The following ATP13A5 variants were observed in gnomAD, a reference collection of about 807,000 sequenced individuals.
The protein encoded by ATP13A5 is probable cation-transporting ATPase 13A5.
A neutral mutation model predicts 150.2 loss-of-function variants in ATP13A5; 149 were observed. That is an observed-to-expected ratio of 0.99 (90% CI 0.87 to 1.14). ATP13A5 has a LOEUF of 1.14. Among genes scored for constraint, ATP13A5 ranks in the 50% most tolerant of loss-of-function variants. The probability of loss-of-function intolerance (pLI) is 0.00; values close to 1 mark genes in which losing one functional copy is unlikely to be tolerated. For synonymous variants in ATP13A5, 497 were observed against 522.2 expected, an observed-to-expected ratio of 0.95 and a Z score of 0.66; for missense variants, 1,383 against 1,449.3, an observed-to-expected ratio of 0.95 and a Z score of 0.74.
intron 3 of ATP13A5, 146 bp from the exon 4 acceptor site, chr3:193,362,783 T>TTCTCTCTTTCTCTCTTTCTTTCTC: frequency 1.9e-6 from 1 of 529,522 alleles, no homozygotes. Context: ...CTTTCTTTCT[T>TTCTCTCTTTCTCTCTTTCTTTCTC]TCTTTCTTTC....
intron 29 of ATP13A5, 49 bp downstream of exon 29, chr3:193,276,701 G>T: frequency 7.5e-7 from 1 of 1,340,854 alleles, no homozygotes; most frequent in Non-Finnish European, 1.1e-6. Context: ...CTGAAAATGA[G>T]ATCCTTAATT....
chr3:193,318,882 C>T (rs1381968780), intron 17 of ATP13A5, 109 bp downstream of exon 17: 3 of 765,800 alleles, frequency 3.9e-6, no homozygotes, highest in Non-Finnish European at 6.8e-6. Flanking sequence ...GATTAATTCT[C>T]TGTCTCTGAG....
intron 19 of ATP13A5, chr3:193,312,968 T>C (rs1228848499): frequency 6.6e-6 from 1 of 152,140 alleles, no homozygotes. Flanking sequence ...CCTGAAACTG[T>C]GATACAGCTT....
intron 16 of ATP13A5, among the ~76,000 whole-genome samples, chr3:193,319,530 A>G (rs374184222): frequency 1.1e-4 from 16 of 152,224 alleles, no homozygotes; most frequent in African/African-American, 3.6e-4. Context: ...AACCAGAAAG[A>G]AAGCCCTCTC....
Position 193,307,140 on chromosome 3 carries a change from G to A in ATP13A5, c.2568+187C>T, listed in dbSNP as rs907982735. On this transcript the variant is annotated intron_variant, in intron 22 of 29. Coordinates refer to ENST00000342358, the MANE Select transcript of ATP13A5 (RefSeq NM_198505.4). ...ATTCTAGGAGTTTCCAGAAAGCATC[G>A]GAAGTGTCTCATCTCCCTTTACTCC... 59 of 1,423,924 alleles carry A rather than the reference G, an allele frequency of 4.1e-5. No individual in the cohort carries two copies. The African/African-American group carries it at 5.2e-4, about 13-fold the overall frequency. The allele number at this position is 1,423,924 out of a possible 1,614,324, so 88.2% of individuals were successfully genotyped here.
intron 28 of ATP13A5, among the ~76,000 whole-genome samples, chr3:193,277,963 C>G (rs561880275): frequency 6.6e-6 from 1 of 152,266 alleles, no homozygotes; most frequent in Non-Finnish European, 1.5e-5. Context: ...GCCACGACAC[C>G]CAGCTAATTT....
At chr3:193,280,769 A>C (rs900212485) in intron 27 of ATP13A5, among the ~76,000 whole-genome samples, 3 of 152,250 alleles carry the variant, frequency 2.0e-5, no homozygotes, top group Admixed American at 2.0e-4. Context: ...AACAGCATTT[A>C]ATCAGCATTG....
chr3:193,316,595 A>G (rs1337856433), intron 17 of ATP13A5, among the ~76,000 whole-genome samples: 1 of 152,040 alleles, frequency 6.6e-6, no homozygotes, highest in East Asian at 1.9e-4. Flanking sequence ...ACTTTTTCAT[A>G]TATCTGTTGG....
intron 5 of ATP13A5, among the ~76,000 whole-genome samples, chr3:193,357,948 C>A (rs1424815979): frequency 7.0e-6 from 1 of 143,690 alleles, no homozygotes; most frequent in Non-Finnish European, 1.5e-5. Context: ...AGGTCCATGT[C>A]CCTTTTCATT....
intron 16 of ATP13A5, among the ~76,000 whole-genome samples, chr3:193,319,857 C>T (rs1430061682): frequency 1.3e-5 from 2 of 152,178 alleles, no homozygotes; most frequent in Non-Finnish European, 2.9e-5. Flanking sequence ...CAGCCATGCC[C>T]ATTTGATTGT....
At chr3:193,345,646 T>C (rs149129177) in intron 7 of ATP13A5, among the ~76,000 whole-genome samples, 4 of 152,272 alleles carry the variant, frequency 2.6e-5, no homozygotes, top group Non-Finnish European at 4.4e-5. Flanking sequence ...TCGCTGAAGA[T>C]TGGCCAAGAC....
rs539593685 is a variant in ATP13A5 at position 193,327,450 on chromosome 3, T to G, written c.1462-393A>C. On this transcript the variant is annotated intron_variant, in intron 12 of 29. Transcript: ENST00000342358. ...AGCAGAGCTCATTTTTTTTTGTTCA[T>G]TTTCGAGACTGTTCAGTTCACAGTT... is the stretch of plus-strand genomic sequence containing the variant. Among the ~76,000 whole-genome samples, 86 of 152,314 alleles carry G rather than the reference T, an allele frequency of 5.6e-4. 1 individual carries two copies. The highest frequency in any genetic ancestry group is 2.1e-3 in the African/African-American group (86 of 41,568).
chr3:193,280,916 C>T (rs927490925), intron 27 of ATP13A5, among the ~76,000 whole-genome samples: 2 of 152,148 alleles, frequency 1.3e-5, no homozygotes, highest in African/African-American at 4.8e-5. Flanking sequence ...CCTATACCAA[C>T]CAGAAATCTG....
chr3:193,307,353 A>T lies in ATP13A5; in HGVS notation c.2542T>A (p.Cys848Ser), dbSNP rs755151644. ...CCACAGTCGTTAGCTCCATCTCCACACATGCCCACATAATAACTGCGGGAG... is the reference window on the plus strand; with the variant it reads ...CCACAGTCGTTAGCTCCATCTCCACTCATGCCCACATAATAACTGCGGGAG... ...FQKLNYYVGM[C>S]GDGANDCGAL... The change falls in exon 22 of 30, where the codon TGT becomes AGT. Residue 848 changes from cysteine to serine, a missense_variant. Physicochemically the swap from Cys to Ser is moderately radical, Grantham distance 112. Around this residue, in one of 3 missense-constraint regions of ATP13A5, gnomAD observed 568 missense variants for 621.5 expected, o/e 0.91. Transcript: ENST00000342358. The T allele has an allele frequency of 6.2e-7, 1 of 1,613,930 alleles. No individual in the cohort carries two copies. Among genetic ancestry groups the T allele is most frequent in the East Asian group, 2.2e-5 (1 of 44,866 alleles).
Position 193,322,477 on chromosome 3 carries a change from G to A in ATP13A5, c.1758+14C>T, listed in dbSNP as rs764558187. 6.3e-7 allele frequency: 1 copy of A among 1,594,208 alleles called. No homozygotes were observed. Among genetic ancestry groups the A allele is most frequent in the South Asian group, 1.1e-5 (1 of 90,038 alleles). On this transcript the variant is annotated intron_variant, in intron 15 of 29. Transcript: ENST00000342358. ...TGGGGAAAGAGCTATGTGATGTAAA[G>A]AAGGAAATCATACCTTACTGGCTTT...
intron 28 of ATP13A5, among the ~76,000 whole-genome samples, chr3:193,278,375 A>G (rs868393575): frequency 1.3e-5 from 2 of 152,140 alleles, no homozygotes; most frequent in Admixed American, 6.5e-5. Flanking sequence ...CCCTTGGCAT[A>G]AAGTCTAAAC....
rs1717125167 is a variant in ATP13A5 at position 193,275,096 on chromosome 3, TC to T, written c.3602del (p.Arg1201LysfsTer64). The T allele has an allele frequency of 1.2e-6, 2 of 1,614,218 alleles. No individual in the cohort carries two copies. Among genetic ancestry groups the T allele is most frequent in the South Asian group, 2.2e-5 (2 of 91,086 alleles). On this transcript the variant is annotated frameshift_variant, in exon 30 of 30. Transcript: ENST00000342358. LOFTEE classifies it high-confidence loss of function. ...GYESHEQIPK[R>X]KLKLGGQPTE... is the part of the protein sequence containing the mutation. ...TGGGTTGGCCTCCCAATTTGAGTTTTCTTTTTGGAATCTGTTCATGGCTTTC... is the reference window on the plus strand; with the variant it reads ...TGGGTTGGCCTCCCAATTTGAGTTTTTTTTTGGAATCTGTTCATGGCTTTC...
chr3:193,349,897 C>A (rs1282130771), intron 7 of ATP13A5, among the ~76,000 whole-genome samples: 1 of 152,020 alleles, frequency 6.6e-6, no homozygotes, highest in East Asian at 1.9e-4. Context: ...CTTTTGGTTG[C>A]TATGCTAAAA....
At chr3:193,301,329 T>C (rs1718388669) in intron 23 of ATP13A5, 22 bp from the exon 24 acceptor site, 1 of 1,582,042 alleles carries the variant, frequency 6.3e-7, no homozygotes, top group African/African-American at 1.4e-5. Flanking sequence ...GAAATAAAAA[T>C]AAAAATTGGT....
Sources: gnomAD v4.1 joint callset for allele counts (sites outside exome capture counted in the v4.1 genomes callset) on GRCh38, gnomAD v4.1.1 for gene constraint, gnomAD v4.1.1 regional missense constraint, MANE v1.5 for transcripts, NCBI Gene and HGNC (gene_info 2026-07-23, HGNC 2026-07-21) for gene names.